SLC22A25: variants seen among roughly 807,000 people sequenced by gnomAD.
SLC22A25 encodes the protein MGI:2442751, MGI:2385316, MGI:3042283, MGI:3645714, MGI:3605624, MGI:2442750.
In SLC22A25, 44 loss-of-function variants were observed where a neutral mutation model predicts 45.9. That is an observed-to-expected ratio of 0.96 (90% CI 0.75 to 1.23). SLC22A25 has a LOEUF of 1.23. SLC22A25 is among the 50% of genes most tolerant of loss of function. The probability of loss-of-function intolerance (pLI) is 0.00; values close to 1 mark genes in which losing one functional copy is unlikely to be tolerated. For synonymous variants in SLC22A25, 283 were observed against 238.6 expected (o/e 1.19, Z -1.72); for missense variants, 800 against 666.4 (o/e 1.20, Z -2.21).
At chr11:63,227,962 C>CG (rs1565122876) in intron 5 of SLC22A25, among the ~76,000 whole-genome samples, 1 of 152,222 alleles carries the variant, frequency 6.6e-6, no homozygotes, top group East Asian at 1.9e-4. Context: ...CTTCCTCCCC[C>CG]AAGTGCACAG....
Position 63,160,309 on chromosome 11 carries a change from T to C in SLC22A25, c.*3515A>G, listed in dbSNP as rs1229255773. Among the ~76,000 whole-genome samples the C allele has an allele frequency of 6.6e-6, 1 of 152,176 alleles. No individual in the cohort carries two copies. The highest frequency in any genetic ancestry group is 2.4e-5 in the African/African-American group (1 of 41,452). On this transcript the variant is annotated 3_prime_UTR_variant, in exon 12 of 12. Transcript: ENST00000306494. ...GCAGCCTTAGTGACTTGGTGCCCTG[T>C]GTCTCAGCCACTCTAGCCATGGCTA...
intron 7 of SLC22A25, among the ~76,000 whole-genome samples, chr11:63,195,078 A>G (rs955754022): frequency 1.6e-4 from 25 of 152,130 alleles, no homozygotes; most frequent in Non-Finnish European, 3.4e-4. Flanking sequence ...TATGCACCCA[A>G]TACAAGAGCA....
At chr11:63,243,280 C>T in intron 1 of SLC22A25, 154 bp downstream of exon 1, 2 of 408,104 alleles carry the variant, frequency 4.9e-6, no homozygotes, top group Non-Finnish European at 4.6e-6. Flanking sequence ...TGATGGTGGC[C>T]ATTTGATTGG....
At chr11:63,240,566 A>G (rs1590928576) in intron 1 of SLC22A25, among the ~76,000 whole-genome samples, 3 of 152,362 alleles carry the variant, frequency 2.0e-5, no homozygotes, top group South Asian at 2.1e-4. Flanking sequence ...CTCTTTTGTA[A>G]TAACACTTAA....
chr11:63,166,304 T>C lies in SLC22A25; in HGVS notation c.1071-46A>G, dbSNP rs768531941. 5.6e-6 allele frequency: 9 copies of C among 1,598,040 alleles called. No individual in the cohort carries two copies. In the South Asian group the frequency reaches 1.0e-4, roughly 18 times the overall value. On this transcript the variant is annotated intron_variant, in intron 9 of 11. Transcript: ENST00000306494. ...GGCACATATTATAATCTGTGGAACC[T>C]AAATCCTACAAATGAGAATAATATT...
intron 1 of SLC22A25, 54 bp downstream of exon 1, chr11:63,243,380 G>A (rs2090284089): frequency 1.5e-6 from 1 of 657,342 alleles, no homozygotes; most frequent in Admixed American, 2.0e-5. Flanking sequence ...AATGCTGGAG[G>A]TCTGTGAGGA....
chr11:63,194,963 T>C (rs1163421459), intron 7 of SLC22A25, among the ~76,000 whole-genome samples: 1 of 112,754 alleles, frequency 8.9e-6, no homozygotes, highest in African/African-American at 3.6e-5. Context: ...TAGTCTGTGA[T>C]AAAACAGACT....
At chr11:63,208,844 G>C (rs1302922657) in intron 7 of SLC22A25, among the ~76,000 whole-genome samples, 1 of 152,114 alleles carries the variant, frequency 6.6e-6, no homozygotes, top group Non-Finnish European at 1.5e-5. Flanking sequence ...GCTGTGACAG[G>C]GGAAGGCACG....
chr11:63,196,397 C>G (rs937212059), intron 7 of SLC22A25, among the ~76,000 whole-genome samples: 8 of 152,180 alleles, frequency 5.3e-5, no homozygotes, highest in African/African-American at 1.7e-4. Flanking sequence ...CATCAAAAAC[C>G]TTATCTGCCA....
At chr11:63,187,721 C>T (rs1297914561) in intron 7 of SLC22A25, among the ~76,000 whole-genome samples, 2 of 152,152 alleles carry the variant, frequency 1.3e-5, no homozygotes, top group African/African-American at 4.8e-5. Flanking sequence ...TACCTCTCAT[C>T]AATACCTAAT....
chr11:63,176,901 T>C (rs1418080516), intron 9 of SLC22A25, among the ~76,000 whole-genome samples: 1 of 152,038 alleles, frequency 6.6e-6, no homozygotes, highest in African/African-American at 2.4e-5. Flanking sequence ...TGTTTAAACA[T>C]GAAGGGTTCC....
At chr11:63,199,216 G>T (rs567558336) in intron 7 of SLC22A25, among the ~76,000 whole-genome samples, 1 of 151,970 alleles carries the variant, frequency 6.6e-6, no homozygotes, top group African/African-American at 2.4e-5. Context: ...AACATCAAGG[G>T]TGATATTACC....
chr11:63,185,568 G>A (rs547801382), intron 7 of SLC22A25, among the ~76,000 whole-genome samples: 1 of 146,428 alleles, frequency 6.8e-6, no homozygotes, highest in Non-Finnish European at 1.5e-5. Context: ...TATACTTTAA[G>A]TTTTAGGGTA....
Position 63,183,796 on chromosome 11 carries a change from C to G in SLC22A25, c.852G>C (p.Arg284=). The part of the protein sequence containing the change: ...LFSRWLAESA[R]WLIINNKPEE... ...CTGGTTTGTTGTTGATAATGAGCCA[C>G]CGAGCAGACTCTGCCAGCCACCTGA... Residue 284 remains arginine (R), a synonymous_variant, in exon 8 of 12, where the codon CGG becomes CGC. Coordinates refer to ENST00000306494, the MANE Select transcript of SLC22A25 (RefSeq NM_199352.6). The G allele has an allele frequency of 6.2e-7, 1 of 1,613,038 alleles. No individual in the cohort carries two copies. Among genetic ancestry groups the G allele is most frequent in the Non-Finnish European group, 8.5e-7 (1 of 1,179,304 alleles).
At position 63,171,967 on chromosome 11, in the gene SLC22A25, A is replaced by G. The variant is rs1465933347; in HGVS notation, c.1071-5709T>C. 2.0e-5 allele frequency among the ~76,000 whole-genome samples: 3 copies of G among 152,306 alleles called. No individual in the cohort carries two copies. The South Asian group carries it at 6.2e-4, about 32-fold the overall frequency. ...GGCACCAAATCAGATACATAGACCA[A>G]TGGAGCGAACAGAAATAACACCACA... On this transcript the variant is annotated intron_variant, in intron 9 of 11. Transcript: ENST00000306494.
intron 1 of SLC22A25, among the ~76,000 whole-genome samples, chr11:63,242,907 C>T (rs2090273438): frequency 6.6e-6 from 1 of 152,192 alleles, no homozygotes; most frequent in Admixed American, 6.5e-5. Flanking sequence ...CCAATCCTCA[C>T]CTCTCTTCTC....
chr11:63,223,383 T>G (rs919466774), intron 5 of SLC22A25, among the ~76,000 whole-genome samples: 4 of 152,134 alleles, frequency 2.6e-5, no homozygotes, highest in Non-Finnish European at 5.9e-5. Flanking sequence ...TTTACCCATT[T>G]CTTGTATATT....
intron 7 of SLC22A25, among the ~76,000 whole-genome samples, chr11:63,210,697 A>AT (rs1159377999): frequency 2.6e-5 from 4 of 151,980 alleles, no homozygotes; most frequent in Middle Eastern, 3.2e-3. Flanking sequence ...CGATTAATGG[A>AT]TTTTTTGGTT....
intron 5 of SLC22A25, among the ~76,000 whole-genome samples, chr11:63,225,802 G>A (rs113906882): frequency 6.6e-6 from 1 of 152,054 alleles, no homozygotes; most frequent in African/African-American, 2.4e-5. Context: ...GATGTTGTGG[G>A]AGTGCTTCCT....
Sources: gnomAD v4.1 joint callset for allele counts (sites outside exome capture counted in the v4.1 genomes callset) on GRCh38, gnomAD v4.1.1 for gene constraint, MANE v1.5 for transcripts, NCBI Gene and HGNC (gene_info 2026-07-23, HGNC 2026-07-21) for gene names.